The following NDUFAF2 variants were observed in gnomAD, a reference collection of about 807,000 sequenced individuals.
NDUFAF2 encodes NADH:ubiquinone oxidoreductase complex assembly factor 2.
A neutral mutation model predicts 22.8 loss-of-function variants in NDUFAF2; 13 were observed. The observed-to-expected ratio is 0.57, with a 90% CI of 0.37 to 0.91. The LOEUF (loss-of-function observed/expected upper bound fraction) is 0.91. Among genes scored for constraint, NDUFAF2 ranks in the 40% least tolerant of loss-of-function variants. The pLI is 0.01. For synonymous variants in NDUFAF2, 53 were observed against 64.2 expected, an observed-to-expected ratio of 0.83 and a Z score of 0.84; for missense variants, 162 against 195.2, an observed-to-expected ratio of 0.83 and a Z score of 1.01.
intron 2 of NDUFAF2, among the ~76,000 whole-genome samples, chr5:61,080,707 A>G (rs1412763110): frequency 6.6e-6 from 1 of 152,078 alleles, no homozygotes; most frequent in Non-Finnish European, 1.5e-5. Flanking sequence ...TAAAAAAATT[A>G]GTTTTGAGAA....
At chr5:60,961,346 A>G (rs1357895970) in intron 1 of NDUFAF2, among the ~76,000 whole-genome samples, 3 of 152,134 alleles carry the variant, frequency 2.0e-5, no homozygotes, top group Admixed American at 6.5e-5. Context: ...CTGTAATCCC[A>G]GCACTTTGGG....
At chr5:61,134,915 A>G (rs1390959954) in intron 3 of NDUFAF2, among the ~76,000 whole-genome samples, 1 of 152,108 alleles carries the variant, frequency 6.6e-6, no homozygotes, top group African/African-American at 2.4e-5. Flanking sequence ...CAATTCAGTG[A>G]GTATATTCCA....
At chr5:60,981,396 C>G (rs1285841928) in intron 1 of NDUFAF2, among the ~76,000 whole-genome samples, 1 of 152,144 alleles carries the variant, frequency 6.6e-6, no homozygotes, top group African/African-American at 2.4e-5. Context: ...TGAGGGACTT[C>G]ATTGATCTCA....
At chr5:60,960,935 A>G (rs1037300280) in intron 1 of NDUFAF2, among the ~76,000 whole-genome samples, 11 of 152,112 alleles carry the variant, frequency 7.2e-5, no homozygotes, top group Non-Finnish European at 1.6e-4. Flanking sequence ...TAAAAATATA[A>G]CTCCGATTAA....
chr5:61,122,341 T>C (rs1752986669), intron 3 of NDUFAF2, among the ~76,000 whole-genome samples: 1 of 152,194 alleles, frequency 6.6e-6, no homozygotes, highest in African/African-American at 2.4e-5. Context: ...AGAGTCATTT[T>C]TTAATCTAAT....
chr5:60,987,266 A>G (rs1249746108), intron 1 of NDUFAF2, among the ~76,000 whole-genome samples: 1 of 152,122 alleles, frequency 6.6e-6, no homozygotes, highest in Non-Finnish European at 1.5e-5. Context: ...AATGAGCTCT[A>G]AAACTGAATC....
intron 3 of NDUFAF2, among the ~76,000 whole-genome samples, chr5:61,133,863 GCA>G (rs1316543659): frequency 2.0e-5 from 3 of 152,196 alleles, no homozygotes; most frequent in African/African-American, 7.2e-5. Context: ...TAAAGGGCAG[GCA>G]AAAACCTATT....
chr5:61,101,616 A>AT (rs910219277), intron 3 of NDUFAF2, among the ~76,000 whole-genome samples: 7 of 152,036 alleles, frequency 4.6e-5, no homozygotes, highest in East Asian at 3.9e-4. Flanking sequence ...CAGAAACTAG[A>AT]TTTTTTTTCC....
At chr5:61,084,933 G>T (rs774368038) in intron 2 of NDUFAF2, among the ~76,000 whole-genome samples, 1 of 152,086 alleles carries the variant, frequency 6.6e-6, no homozygotes, top group Non-Finnish European at 1.5e-5. Flanking sequence ...ATTGACATAG[G>T]ACACTCCACT....
intron 3 of NDUFAF2, chr5:61,115,878 T>C (rs1439211161): frequency 2.0e-5 from 3 of 152,188 alleles, no homozygotes; most frequent in Non-Finnish European, 4.4e-5. Context: ...CTTTGTGATA[T>C]CGTACAACGA....
chr5:61,034,402 T>C (rs1751770027), intron 1 of NDUFAF2, among the ~76,000 whole-genome samples: 1 of 152,170 alleles, frequency 6.6e-6, no homozygotes, highest in African/African-American at 2.4e-5. Flanking sequence ...TACAACGTGA[T>C]ACTGTACAGA....
chr5:60,996,524 G>A (rs1361064904), intron 1 of NDUFAF2, among the ~76,000 whole-genome samples: 2 of 152,102 alleles, frequency 1.3e-5, no homozygotes, highest in African/African-American at 4.8e-5. Context: ...GAGAGGTGAT[G>A]CCAACACTCC....
At chr5:61,044,778 T>G (rs975264814) in intron 1 of NDUFAF2, among the ~76,000 whole-genome samples, 1 of 152,162 alleles carries the variant, frequency 6.6e-6, no homozygotes, top group Non-Finnish European at 1.5e-5. Context: ...GGCATTGTTC[T>G]TTTTGCTCAA....
intron 3 of NDUFAF2, among the ~76,000 whole-genome samples, chr5:61,147,553 C>T (rs1268368413): frequency 1.3e-5 from 2 of 149,060 alleles, no homozygotes; most frequent in Admixed American, 6.8e-5. Context: ...GGATTACAGG[C>T]GTGAGCCACC....
intron 3 of NDUFAF2, among the ~76,000 whole-genome samples, chr5:61,121,063 A>G (rs1269353333): frequency 1.3e-5 from 2 of 152,108 alleles, no homozygotes; most frequent in Non-Finnish European, 1.5e-5. Context: ...GATAACCCCT[A>G]TAGGATACTA....
In NDUFAF2 at chr5:61,052,609, A is replaced by G. The variant is rs189283940; in HGVS notation, c.128-20516A>G. On this transcript the variant is annotated intron_variant, in intron 1 of 3. Transcript: ENST00000296597. ...ATAGGCGTGAACCACTGCGACTGGC[A>G]TATTTGTTATTTTCTATTATCCTTA... 5.6e-4 allele frequency among the ~76,000 whole-genome samples: 86 copies of G among 152,242 alleles called. 1 individual carries two copies. The East Asian group carries it at 7.1e-3, about 13-fold the overall frequency.
chr5:61,040,207 C>T (rs191326334), intron 1 of NDUFAF2, among the ~76,000 whole-genome samples: 23 of 148,758 alleles, frequency 1.5e-4, no homozygotes, highest in Non-Finnish European at 2.5e-4. Flanking sequence ...AGATTATGGT[C>T]GACTCTAAAT....
At chr5:60,950,898 T>C (rs1219245410) in intron 1 of NDUFAF2, among the ~76,000 whole-genome samples, 1 of 152,150 alleles carries the variant, frequency 6.6e-6, no homozygotes, top group South Asian at 2.1e-4. Flanking sequence ...CTCTGTAGTT[T>C]TGCCTTTTCC....
chr5:61,024,379 T>C (rs1366481889), intron 1 of NDUFAF2, among the ~76,000 whole-genome samples: 2 of 152,144 alleles, frequency 1.3e-5, no homozygotes, highest in Non-Finnish European at 2.9e-5. Flanking sequence ...GTTTAGTTTG[T>C]GCCAAAGGAC....
Sources: allele counts gnomAD v4.1 joint callset (sites outside exome capture counted in the v4.1 genomes callset), GRCh38; gene constraint gnomAD v4.1.1; transcripts MANE v1.5; gene names NCBI Gene and HGNC (gene_info 2026-07-23, HGNC 2026-07-21).